PCDH11X: variants seen among roughly 807,000 people sequenced by gnomAD.
PCDH11X encodes the protein protocadherin-11 X-linked.
A neutral mutation model predicts 53.3 loss-of-function variants in PCDH11X; 18 were observed. The ratio of observed to expected loss-of-function variants is 0.34; its 90% CI spans 0.23 to 0.50. The LOEUF (loss-of-function observed/expected upper bound fraction) is 0.50, where lower values mean the gene tolerates loss of function less well. Ranked by LOEUF, PCDH11X falls within the 20% of genes least tolerant of loss-of-function variation. The probability of loss-of-function intolerance (pLI) is 0.98; values close to 1 mark genes in which losing one functional copy is unlikely to be tolerated. For synonymous variants in PCDH11X, 279 were observed against 393.3 expected, an observed-to-expected ratio of 0.71 and a Z score of 3.44; for missense variants, 570 against 1,032.4, an observed-to-expected ratio of 0.55 and a Z score of 6.14.
intron 6 of PCDH11X, among the ~76,000 whole-genome samples, chrX:92,019,004 A>G (rs2525154): frequency 0.054 from 5,759 of 106,785 alleles, 345 homozygotes; most frequent in African/African-American, 0.21. Flanking sequence ...TGGCTCAATA[A>G]ACACAACCAG....
rs764960156 is a variant in PCDH11X, at chrX:92,232,994, C to T, written c.3115-30120C>T. Among the ~76,000 whole-genome samples, 367 of 111,915 alleles carry T rather than the reference C, an allele frequency of 3.3e-3. 1 individual carries two copies. Among genetic ancestry groups the T allele is most frequent in the Middle Eastern group, 0.023 (5 of 213 alleles). ...CCTCCCAAAGTGCTGGGATTACAGG[C>T]GTGAGCCACCGCGCCCGGCCTGCCC... is the stretch of plus-strand genomic sequence containing the variant. On this transcript the variant is annotated intron_variant, in intron 7 of 10. Transcript: ENST00000682573.
chrX:92,286,947 A>G (rs1047510113), intron 8 of PCDH11X, among the ~76,000 whole-genome samples: 1 of 101,470 alleles, frequency 9.9e-6, no homozygotes, highest in Non-Finnish European at 2.0e-5. Context: ...TGAATATTAA[A>G]TAAGTTCATG....
intron 6 of PCDH11X, among the ~76,000 whole-genome samples, chrX:91,964,070 A>C (rs1253313346): frequency 9.2e-6 from 1 of 108,685 alleles, no homozygotes; most frequent in Non-Finnish European, 1.9e-5. Context: ...ATATCAAGCA[A>C]CATCAAAATT....
At chrX:92,587,457 A>G (rs6522546) in intron 10 of PCDH11X, among the ~76,000 whole-genome samples, 29,044 of 108,487 alleles carry the variant, frequency 0.27, 3,372 homozygotes, top group African/African-American at 0.41. Flanking sequence ...ATTCTACATC[A>G]TCCAATTAAA....
intron 8 of PCDH11X, among the ~76,000 whole-genome samples, chrX:92,296,098 C>A (rs1178474491): frequency 3.8e-5 from 4 of 105,787 alleles, no homozygotes; most frequent in Non-Finnish European, 7.7e-5. Context: ...AAAAAAAAAT[C>A]ATGTGCATTT....
At chrX:92,556,191 A>T (rs2075043223) in intron 10 of PCDH11X, among the ~76,000 whole-genome samples, 1 of 110,930 alleles carries the variant, frequency 9.0e-6, no homozygotes, top group South Asian at 3.9e-4. Context: ...CAGCCAAACC[A>T]CACAATTCCA....
intron 6 of PCDH11X, among the ~76,000 whole-genome samples, chrX:91,911,476 T>A (rs1245769445): frequency 9.3e-6 from 1 of 108,031 alleles, no homozygotes; most frequent in Non-Finnish European, 1.9e-5. Context: ...CAATTATACT[T>A]TTTTGGTTAT....
intron 10 of PCDH11X, among the ~76,000 whole-genome samples, chrX:92,519,023 C>T (rs2074322318): frequency 9.1e-6 from 1 of 110,238 alleles, no homozygotes; most frequent in African/African-American, 3.3e-5. Context: ...TCCCAAAGGG[C>T]TGGAAAAAAA....
intron 5 of PCDH11X, among the ~76,000 whole-genome samples, chrX:91,871,326 G>GA (rs1012668895): frequency 1.9e-5 from 2 of 105,740 alleles, no homozygotes; most frequent in African/African-American, 3.5e-5. Context: ...AGAGAAAAGT[G>GA]AAAAAAAATT....
intron 1 of PCDH11X, among the ~76,000 whole-genome samples, chrX:91,799,378 G>A (rs759951522): frequency 1.4e-3 from 156 of 111,843 alleles, no homozygotes; most frequent in African/African-American, 5.0e-3. Flanking sequence ...TCACAAGAGT[G>A]AGTGTGAGAT....
chrX:91,846,256 G>A (rs186935312), intron 5 of PCDH11X, among the ~76,000 whole-genome samples: 1,220 of 110,994 alleles, frequency 0.011, 20 homozygotes, highest in African/African-American at 0.034. Flanking sequence ...TTCATCTTAA[G>A]GAACAAGTTC....
chrX:92,288,806 T>C (rs1424945652), intron 8 of PCDH11X, among the ~76,000 whole-genome samples: 12 of 109,446 alleles, frequency 1.1e-4, no homozygotes, highest in Non-Finnish European at 2.3e-4. Context: ...TCCCAGTAAA[T>C]AATTTTGTCT....
At chrX:92,391,717 A>C (rs1429973926) in intron 9 of PCDH11X, among the ~76,000 whole-genome samples, 2 of 111,259 alleles carry the variant, frequency 1.8e-5, no homozygotes, top group Non-Finnish European at 3.8e-5. Context: ...TTGTCCTCAA[A>C]TAGAGAATGC....
intron 4 of PCDH11X, 57 bp downstream of exon 4, chrX:91,811,352 G>A: frequency 9.9e-7 from 1 of 1,008,710 alleles, no homozygotes; most frequent in Non-Finnish European, 1.4e-6. Context: ...GGTCTTTTCA[G>A]GAGTAGTAAT....
At chrX:92,563,057 T>G (rs2075159136) in intron 10 of PCDH11X, among the ~76,000 whole-genome samples, 1 of 19,228 alleles carries the variant, frequency 5.2e-5, no homozygotes, top group African/African-American at 2.5e-4. Context: ...GTTTTTTTTT[T>G]TTTTTTTTTT....
At chrX:92,541,878 G>A (rs1024404252) in intron 10 of PCDH11X, among the ~76,000 whole-genome samples, 3 of 110,378 alleles carry the variant, frequency 2.7e-5, no homozygotes, top group Non-Finnish European at 5.7e-5. Flanking sequence ...GAACCCAGGC[G>A]GCGGAGGTTG....
intron 8 of PCDH11X, among the ~76,000 whole-genome samples, chrX:92,263,506 G>A (rs1012657533): frequency 1.8e-5 from 2 of 111,796 alleles, no homozygotes; most frequent in Non-Finnish European, 3.8e-5. Context: ...AGCAGTGACA[G>A]CAGAAAGTTA....
intron 6 of PCDH11X, among the ~76,000 whole-genome samples, chrX:92,073,769 C>T (rs1212086873): frequency 1.8e-5 from 2 of 111,274 alleles, no homozygotes; most frequent in Non-Finnish European, 3.8e-5. Context: ...ACAGTTAATC[C>T]GGATATTTCA....
intron 6 of PCDH11X, among the ~76,000 whole-genome samples, chrX:92,135,040 A>T (rs2065061141): frequency 9.1e-6 from 1 of 110,278 alleles, no homozygotes; most frequent in Non-Finnish European, 1.9e-5. Context: ...AATGCCTCTG[A>T]CAACAGGAAG....
Sources: gnomAD v4.1 joint callset for allele counts (sites outside exome capture counted in the v4.1 genomes callset) on GRCh38, gnomAD v4.1.1 for gene constraint, MANE v1.5 for transcripts, NCBI Gene and HGNC (gene_info 2026-07-23, HGNC 2026-07-21) for gene names.